Variants in TSPAN11 observed in about 807,000 individuals in gnomAD.
TSPAN11 encodes tetraspanin-11.
TSPAN11 carries 29 observed loss-of-function variants against 32.9 expected under a neutral mutation model. The observed-to-expected ratio is 0.88, with a 90% confidence interval of 0.66 to 1.20. The LOEUF (loss-of-function observed/expected upper bound fraction) is 1.20. Ranked by LOEUF, TSPAN11 falls within the 50% of genes most tolerant of loss-of-function variation. TSPAN11 has a pLI of 0.00. For missense variants in TSPAN11, 283 were observed against 329.1 expected (o/e 0.86, Z 1.08); for synonymous variants, 140 against 141.3 (o/e 0.99, Z 0.07).
intron 1 of TSPAN11, among the ~76,000 whole-genome samples, chr12:30,945,496 AC>A (rs1414683238): frequency 6.6e-6 from 1 of 152,036 alleles, no homozygotes; most frequent in Non-Finnish European, 1.5e-5. Flanking sequence ...ACTCTCTGCC[AC>A]CCATCACCAT....
chr12:30,934,348 G>C (rs1250439318), intron 1 of TSPAN11, among the ~76,000 whole-genome samples: 1 of 152,216 alleles, frequency 6.6e-6, no homozygotes, highest in East Asian at 1.9e-4. Flanking sequence ...CTGGATACAG[G>C]CTCCAAAAAG....
rs541082682 is a variant in TSPAN11 at position 30,975,962 on chromosome 12, G to A, written c.277-2599G>A. Among the ~76,000 whole-genome samples the A allele has an allele frequency of 3.9e-5, 6 of 152,334 alleles. No homozygotes were observed. The South Asian group carries it at 1.2e-3, about 32-fold the overall frequency. ...CAGCACCGTAGCTGAGGATGGTGGA[G>A]GGAAGTTTGGAGCAGGCAGGAAGGG... On this transcript the variant is annotated intron_variant, in intron 3 of 7. Transcript: ENST00000546076. This position sits in a 1 kb window ranked among gnomAD's most constrained non-coding sequence, Gnocchi z 4.5.
chr12:30,976,509 A>C (rs35101), intron 3 of TSPAN11, among the ~76,000 whole-genome samples: 1 of 152,078 alleles, frequency 6.6e-6, no homozygotes, highest in Non-Finnish European at 1.5e-5. Context: ...CTCAAGCAGG[A>C]GGACCATCCA....
intron 2 of TSPAN11, among the ~76,000 whole-genome samples, chr12:30,956,842 G>A (rs1257131095): frequency 1.3e-5 from 2 of 152,226 alleles, no homozygotes; most frequent in African/African-American, 4.8e-5. Flanking sequence ...CAGGCACTCT[G>A]TCAGGCTATG....
the TSPAN11 span, among the ~76,000 whole-genome samples, chr12:31,009,618 C>T: frequency 6.6e-6 from 1 of 152,186 alleles, no homozygotes; most frequent in Non-Finnish European, 1.5e-5. Context: ...TACATGACCT[C>T]CTTCAGCCCG....
intron 7 of TSPAN11, among the ~76,000 whole-genome samples, chr12:30,984,111 G>A (rs910411839): frequency 6.6e-6 from 1 of 152,194 alleles, no homozygotes; most frequent in Non-Finnish European, 1.5e-5. Flanking sequence ...GCAGTCCCCA[G>A]CTCACGAACA....
chr12:31,002,196 C>T, the TSPAN11 span, among the ~76,000 whole-genome samples: 1 of 152,130 alleles, frequency 6.6e-6, no homozygotes, highest in Non-Finnish European at 1.5e-5. This position sits in a 1 kb window ranked among gnomAD's most constrained non-coding sequence, Gnocchi z 4.8. Flanking sequence ...TCTCTGCAGG[C>T]TTTGGGACAT....
chr12:30,935,316 A>G (rs990163427), intron 1 of TSPAN11, among the ~76,000 whole-genome samples: 1 of 151,238 alleles, frequency 6.6e-6, no homozygotes, highest in Non-Finnish European at 1.5e-5. Flanking sequence ...TGTACCCTTC[A>G]CTATAATTAA....
At chr12:30,978,456 T>C (rs1305882133) in intron 3 of TSPAN11, 105 bp from the exon 4 acceptor site, 6 of 1,113,336 alleles carry the variant, frequency 5.4e-6, no homozygotes, top group Non-Finnish European at 8.1e-6. Context: ...GCATGGATGA[T>C]AGGGGTCCCA....
intron 2 of TSPAN11, among the ~76,000 whole-genome samples, chr12:30,955,600 T>G (rs1322367815): frequency 6.6e-6 from 1 of 152,188 alleles, no homozygotes; most frequent in East Asian, 1.9e-4. Context: ...CTCTCACAGT[T>G]CTGGAGGCTA....
chr12:31,003,344 A>G, the TSPAN11 span, among the ~76,000 whole-genome samples: 10 of 152,304 alleles, frequency 6.6e-5, no homozygotes, highest in Admixed American at 6.5e-4. Flanking sequence ...CTTCCACCTA[A>G]TGTAGACTTG....
rs558553328 is a variant in TSPAN11 at position 30,940,093 on chromosome 12, G to A, written c.-12+13297G>A. Among the ~76,000 whole-genome samples the A allele has an allele frequency of 1.9e-4, 29 of 151,816 alleles. 1 individual carries two copies. In the South Asian group the frequency reaches 5.9e-3, roughly 31 times the overall value. Reference sequence around the variant, plus strand: ...AGGGCCCTGTTGGGAGAACTGGCTGGTGCCTGCACTAAAGCCATCTACACA... The same window carrying A: ...AGGGCCCTGTTGGGAGAACTGGCTGATGCCTGCACTAAAGCCATCTACACA... On this transcript the variant is annotated intron_variant, in intron 1 of 7. Coordinates refer to ENST00000546076, the MANE Select transcript of TSPAN11 (RefSeq NM_001370302.1).
chr12:30,973,387 T>C (rs1206761175), intron 3 of TSPAN11, among the ~76,000 whole-genome samples: 1 of 152,226 alleles, frequency 6.6e-6, no homozygotes, highest in East Asian at 1.9e-4. Flanking sequence ...GGGCTGTTAC[T>C]GTTACATGTG....
intron 7 of TSPAN11, among the ~76,000 whole-genome samples, chr12:30,985,774 G>A (rs754208785): frequency 5.3e-5 from 8 of 152,250 alleles, no homozygotes; most frequent in East Asian, 1.9e-4. Context: ...GCCCAGAGCC[G>A]ACGGTCAAGG....
intron 1 of TSPAN11, among the ~76,000 whole-genome samples, chr12:30,931,763 C>T (rs1238825337): frequency 6.6e-6 from 1 of 150,680 alleles, no homozygotes; most frequent in African/African-American, 2.4e-5. Flanking sequence ...GCCTGTAATC[C>T]CAGCTACTCG....
At chr12:30,950,023 C>T (rs1184935030) in intron 1 of TSPAN11, among the ~76,000 whole-genome samples, 1 of 151,990 alleles carries the variant, frequency 6.6e-6, no homozygotes, top group Non-Finnish European at 1.5e-5. Context: ...TCCTCCCCTG[C>T]CTCTTACACA....
chr12:30,953,403 G>T (rs1938419529), intron 1 of TSPAN11, among the ~76,000 whole-genome samples: 1 of 152,094 alleles, frequency 6.6e-6, no homozygotes, highest in South Asian at 2.1e-4. Flanking sequence ...GACTCCAGAG[G>T]CTCTTGTGCT....
At chr12:30,997,964 C>G (rs1939439292), downstream of TSPAN11, among the ~76,000 whole-genome samples, 1 of 152,224 alleles carries the variant, frequency 6.6e-6, no homozygotes. Context: ...CAGTTGTCCA[C>G]TGAAAGGTCA....
At position 30,957,773 on chromosome 12, in the gene TSPAN11, TTCCC is replaced by T. The variant is rs1402326890; in HGVS notation, c.84+3714_84+3717del. On this transcript the variant is annotated intron_variant, in intron 2 of 7. Coordinates refer to ENST00000546076, the MANE Select transcript of TSPAN11 (RefSeq NM_001370302.1). Reference sequence around the variant, plus strand: ...CCTCCTTCCTTCCTTCCTTCCTTCCTTCCCTCCCTCCCTCCCTCCTTCCTTCCCT... The same window carrying T: ...CCTCCTTCCTTCCTTCCTTCCTTCCTTCCCTCCCTCCCTCCTTCCTTCCCT... Among the ~76,000 whole-genome samples the T allele has an allele frequency of 1.9e-3, 24 of 12,822 alleles. 2 individuals carry two copies. Among genetic ancestry groups the T allele is most frequent in the African/African-American group, 9.0e-3 (17 of 1,896 alleles). 8.4% of individuals were successfully genotyped at this position (12,822 alleles called of 152,430 possible).
Sources: gnomAD v4.1 joint callset for allele counts (sites outside exome capture counted in the v4.1 genomes callset) on GRCh38, gnomAD v4.1.1 for gene constraint, Gnocchi (gnomAD v3.1) non-coding constraint, MANE v1.5 for transcripts, NCBI Gene and HGNC (gene_info 2026-07-23, HGNC 2026-07-21) for gene names.